Variants in TSC22D2 observed in about 807,000 individuals in gnomAD.
The protein encoded by TSC22D2 is TSC22 domain family protein 2.
In TSC22D2, 5 loss-of-function variants were observed where a neutral mutation model predicts 50.1. The observed-to-expected ratio is 0.10, with a 90% CI of 0.05 to 0.21. The LOEUF (loss-of-function observed/expected upper bound fraction) is 0.21. Among genes scored for constraint, TSC22D2 ranks in the 10% least tolerant of loss-of-function variants. TSC22D2 has a pLI of 1.00. For synonymous variants in TSC22D2, 501 were observed against 450.1 expected, an observed-to-expected ratio of 1.11 and a Z score of -1.43; for missense variants, 1,003 against 1,015.5, an observed-to-expected ratio of 0.99 and a Z score of 0.17.
Position 150,410,981 on chromosome 3 carries a change from A to T in TSC22D2, c.1631A>T (p.His544Leu). ...PLAQSQQLSS[H>L]TPVSRSSSII... ...GCCCAGTCGCAACAGCTGAGCAGCC[A>T]TACGCCAGTCAGCAGGAGCAGCAGC... The change falls in exon 1 of 3, where the codon CAT becomes CTT. Residue 544 changes from histidine (H) to leucine (L), a missense_variant. Physicochemically the swap from His to Leu is moderately conservative, Grantham distance 99 (BLOSUM62 -3). This residue lies in a region of TSC22D2 where 696 missense variants were observed against 647.8 expected (regional missense o/e 1.07). Coordinates refer to ENST00000688009, the MANE Select transcript of TSC22D2 (RefSeq NM_001303264.2). 5 of 1,614,238 alleles carry T rather than the reference A, an allele frequency of 3.1e-6. No individual in the cohort carries two copies. Among genetic ancestry groups the T allele is most frequent in the Non-Finnish European group, 4.2e-6 (5 of 1,180,044 alleles).
At chr3:150,451,825 C>T (rs1343709874) in intron 1 of TSC22D2, among the ~76,000 whole-genome samples, 1 of 152,028 alleles carries the variant, frequency 6.6e-6, no homozygotes, top group Non-Finnish European at 1.5e-5. Flanking sequence ...GCATTTATAT[C>T]TAGGGAAAGA....
intron 1 of TSC22D2, among the ~76,000 whole-genome samples, chr3:150,441,571 A>G (rs1163403768): frequency 1.3e-5 from 2 of 151,922 alleles, no homozygotes; most frequent in African/African-American, 4.8e-5. Flanking sequence ...ACCAGCCTGG[A>G]CAACATAGGG....
intron 1 of TSC22D2, among the ~76,000 whole-genome samples, chr3:150,413,880 C>CT (rs754371010): frequency 4.0e-5 from 4 of 98,916 alleles, no homozygotes; most frequent in Non-Finnish European, 7.4e-5. Flanking sequence ...AAGATATATG[C>CT]TTTTTTTAAA....
At chr3:150,426,930 A>G (rs530182403) in intron 1 of TSC22D2, among the ~76,000 whole-genome samples, 3 of 152,226 alleles carry the variant, frequency 2.0e-5, no homozygotes, top group African/African-American at 7.2e-5. Flanking sequence ...AGCCTCAAGT[A>G]TTTTGTGTAG....
intron 1 of TSC22D2, among the ~76,000 whole-genome samples, chr3:150,449,534 A>G (rs1010294879): frequency 2.6e-5 from 4 of 152,186 alleles, no homozygotes; most frequent in Non-Finnish European, 5.9e-5. Context: ...AAAGATCTCC[A>G]GAATACATTG....
chr3:150,458,011 G>A (rs1721245757), intron 2 of TSC22D2, among the ~76,000 whole-genome samples: 1 of 151,944 alleles, frequency 6.6e-6, no homozygotes, highest in Non-Finnish European at 1.5e-5. Flanking sequence ...GCAGTACTAT[G>A]ACTAGTTTAA....
rs754058146 is a variant in TSC22D2 at position 150,410,518 on chromosome 3, C to T, written c.1168C>T (p.Pro390Ser). Residue 390 changes from proline to serine, a missense_variant, in exon 1 of 3, where the codon CCG becomes TCG. Pro to Ser is a moderately conservative substitution (Grantham distance 74). This residue lies in a region of TSC22D2 where 696 missense variants were observed against 647.8 expected (regional missense o/e 1.07). Coordinates refer to ENST00000688009, the MANE Select transcript of TSC22D2 (RefSeq NM_001303264.2). ...YLQQHVAGLQ[P>S]PSPAQPSSTG... is the part of the protein sequence containing the mutation. Reference sequence around the variant, plus strand: ...GCAGCAGCACGTGGCCGGCCTGCAGCCGCCAAGCCCCGCGCAGCCCTCGTC... The same window carrying T: ...GCAGCAGCACGTGGCCGGCCTGCAGTCGCCAAGCCCCGCGCAGCCCTCGTC... 2.0e-5 allele frequency: 31 copies of T among 1,581,118 alleles called. No individual in the cohort carries two copies. Among genetic ancestry groups the T allele is most frequent in the Non-Finnish European group, 2.5e-5 (29 of 1,165,236 alleles).
At chr3:150,451,898 C>T (rs1362188927) in intron 1 of TSC22D2, among the ~76,000 whole-genome samples, 2 of 151,990 alleles carry the variant, frequency 1.3e-5, no homozygotes, top group African/African-American at 2.4e-5. Flanking sequence ...TTTTTAGAGA[C>T]AGATCTGGCT....
chr3:150,438,155 G>T, intron 1 of TSC22D2: 2 of 340,088 alleles, frequency 5.9e-6, no homozygotes, highest in South Asian at 2.3e-5. Flanking sequence ...GATTTTTAAA[G>T]GCTATTTGAT....
At position 150,423,104 on chromosome 3, in the gene TSC22D2, A is replaced by G. The variant is rs769250272; in HGVS notation, c.1958+11796A>G. 3 of 1,612,664 alleles carry G rather than the reference A, an allele frequency of 1.9e-6. No individual in the cohort carries two copies. The African/African-American group carries it at 4.0e-5, about 22-fold the overall frequency. ...CCATTTGAACACGTTAAAGGAATCA[A>G]AGAGCCTCTGGGATAGGTATGAATA... On this transcript the variant is annotated intron_variant, in intron 1 of 2. Transcript: ENST00000688009.
chr3:150,455,847 T>C (rs544166245), intron 1 of TSC22D2, among the ~76,000 whole-genome samples: 34 of 152,066 alleles, frequency 2.2e-4, no homozygotes, highest in Middle Eastern at 3.2e-3. Flanking sequence ...CAGTATCAGA[T>C]TTTTCTTTAC....
In TSC22D2 at chr3:150,411,143, C is replaced by T. The variant is rs1167965304; in HGVS notation, c.1793C>T (p.Ser598Leu). 1.9e-6 allele frequency: 3 copies of T among 1,614,028 alleles called. No homozygotes were observed. Among genetic ancestry groups the T allele is most frequent in the South Asian group, 1.1e-5 (1 of 91,084 alleles). ...VGQVDDTRRK[S>L]EPLPQPPLSL... ...CAAGTCGACGATACTAGAAGAAAAT[C>T]AGAACCCCTACCTCAACCACCACTT... is the stretch of plus-strand genomic sequence containing the variant. Residue 598 changes from serine (S) to leucine (L), a missense_variant, in exon 1 of 3, where the codon TCA (serine) becomes TTA (leucine). Physicochemically the swap from Ser to Leu is moderately radical, Grantham distance 145. Transcript: ENST00000688009.
At chr3:150,422,009 T>C (rs956484853) in intron 1 of TSC22D2, among the ~76,000 whole-genome samples, 1 of 152,236 alleles carries the variant, frequency 6.6e-6, no homozygotes, top group Non-Finnish European at 1.5e-5. Context: ...GTTACTTCTA[T>C]CTGACCCAGT....
chr3:150,452,012 TTC>T (rs974967893), intron 1 of TSC22D2, among the ~76,000 whole-genome samples: 4 of 152,150 alleles, frequency 2.6e-5, no homozygotes, highest in Admixed American at 2.0e-4. Flanking sequence ...TTGCTTTCTT[TTC>T]TCTTTTCTTT....
intron 1 of TSC22D2, among the ~76,000 whole-genome samples, chr3:150,424,944 G>T (rs1331576768): frequency 6.6e-6 from 1 of 152,072 alleles, no homozygotes; most frequent in Non-Finnish European, 1.5e-5. Context: ...GAGCAATCAT[G>T]GCTAACTTTA....
Position 150,409,404 on chromosome 3 carries a change from C to T in TSC22D2, c.54C>T (p.Thr18=). ...GCTGCTTCCAGATCACCAGTGTCACCACGGCCCAGGTGGCCACTAGCATCA... is the reference window on the plus strand; with the variant it reads ...GCTGCTTCCAGATCACCAGTGTCACTACGGCCCAGGTGGCCACTAGCATCA... ...KKSCFQITSV[T]TAQVATSITE... The change falls in exon 1 of 3, where the codon ACC becomes ACT. Residue 18 remains threonine, a synonymous_variant. Transcript: ENST00000688009. The surrounding 1 kb of genome is among the most constrained non-coding windows in gnomAD (Gnocchi z 7.4). 1 of 1,612,344 alleles carries T rather than the reference C, an allele frequency of 6.2e-7. No homozygotes were observed. The highest frequency in any genetic ancestry group is 8.5e-7 in the Non-Finnish European group (1 of 1,178,838).
chr3:150,422,902 T>G (rs1428291684), intron 1 of TSC22D2: 1 of 521,182 alleles, frequency 1.9e-6, no homozygotes, highest in Non-Finnish European at 3.3e-6. Flanking sequence ...AAGTGTTGTT[T>G]TAAGCAAACT....
Position 150,410,816 on chromosome 3 carries a change from G to T in TSC22D2, c.1466G>T (p.Ser489Ile). The T allele has an allele frequency of 6.2e-7, 1 of 1,613,454 alleles. No homozygotes were observed. The highest frequency in any genetic ancestry group is 2.2e-5 in the East Asian group (1 of 44,870). Residue 489 changes from serine (S) to isoleucine (I), a missense_variant, in exon 1 of 3, where the codon AGT becomes ATT. Coordinates refer to ENST00000688009, the MANE Select transcript of TSC22D2 (RefSeq NM_001303264.2). ...QSVPPPQMGG[S>I]GPLSAVPGGP... is the part of the protein sequence containing the mutation. ...GTGCCTCCGCCGCAGATGGGTGGCA[G>T]TGGTCCGCTGTCAGCCGTACCTGGT...
intron 1 of TSC22D2, among the ~76,000 whole-genome samples, chr3:150,424,186 T>C (rs1472393323): frequency 6.6e-6 from 1 of 152,212 alleles, no homozygotes; most frequent in African/African-American, 2.4e-5. Context: ...TTTTAAAATT[T>C]GTAGTACCAT....
Sources: gnomAD v4.1 joint callset for allele counts (sites outside exome capture counted in the v4.1 genomes callset) on GRCh38, gnomAD v4.1.1 for gene constraint, gnomAD v4.1.1 regional missense constraint, Gnocchi (gnomAD v3.1) non-coding constraint, MANE v1.5 for transcripts, NCBI Gene and HGNC (gene_info 2026-07-23, HGNC 2026-07-21) for gene names.